The following NALF1 variants were observed in gnomAD, a reference collection of about 807,000 sequenced individuals.
NALF1 encodes NALCN channel auxiliary factor 1, also known as family with sequence similarity 155 member A.
In NALF1, 3 loss-of-function variants were observed where a neutral mutation model predicts 48.4. The observed-to-expected ratio is 0.06, with a 90% CI of 0.03 to 0.16. NALF1 has a LOEUF of 0.16. Among genes scored for constraint, NALF1 ranks in the 10% least tolerant of loss-of-function variants. The pLI is 1.00. For synonymous variants in NALF1, 262 were observed against 245.7 expected (o/e 1.07, Z -0.62); for missense variants, 526 against 571.5 (o/e 0.92, Z 0.81).
Position 107,732,616 on chromosome 13 carries a change from C to T in NALF1, c.915+133066G>A, listed in dbSNP as rs116273266. 9.8e-3 allele frequency among the ~76,000 whole-genome samples: 1,487 copies of T among 152,190 alleles called. 29 individuals are homozygous for T. Among genetic ancestry groups the T allele is most frequent in the African/African-American group, 0.034 (1,422 of 41,520 alleles). ...GAATAACCACATCGTTATTCACCCA[C>T]ATATCTAGGGCATATGTGTCATGAA... is the stretch of plus-strand genomic sequence containing the variant. On this transcript the variant is annotated intron_variant, in intron 1 of 2. Coordinates refer to ENST00000375915, the MANE Select transcript of NALF1 (RefSeq NM_001080396.3).
chr13:107,245,459 T>C (rs1166860725), intron 1 of NALF1, among the ~76,000 whole-genome samples: 1 of 152,214 alleles, frequency 6.6e-6, no homozygotes, highest in African/African-American at 2.4e-5. Flanking sequence ...CAGCCTCTTA[T>C]CTCACCAAGT....
At chr13:107,535,591 G>A (rs1172422799) in intron 1 of NALF1, among the ~76,000 whole-genome samples, 1 of 152,102 alleles carries the variant, frequency 6.6e-6, no homozygotes, top group Non-Finnish European at 1.5e-5. Flanking sequence ...ACAAACAAAT[G>A]GAAGAACATT....
At chr13:107,412,017 C>G (rs932687527) in intron 1 of NALF1, among the ~76,000 whole-genome samples, 8 of 152,140 alleles carry the variant, frequency 5.3e-5, no homozygotes, top group Non-Finnish European at 1.2e-4. Flanking sequence ...ATGAAACCCA[C>G]TGGCATGATC....
chr13:107,529,055 C>T lies in NALF1; in HGVS notation c.916-318300G>A, dbSNP rs1441330973. On this transcript the variant is annotated intron_variant, in intron 1 of 2. Transcript: ENST00000375915. ...TTTTCTACAGTGTTACTCAGTCTCA[C>T]CTCTGTTTTCCCACGGCACCCTGAC... Among the ~76,000 whole-genome samples, 4 of 152,082 alleles carry T rather than the reference C, an allele frequency of 2.6e-5. No homozygotes were observed. The South Asian group carries it at 6.2e-4, about 24-fold the overall frequency.
At chr13:107,542,894 C>T (rs983062529) in intron 1 of NALF1, among the ~76,000 whole-genome samples, 10 of 152,040 alleles carry the variant, frequency 6.6e-5, no homozygotes, top group Non-Finnish European at 1.3e-4. Flanking sequence ...GAAACCATGG[C>T]ATCAAAATAG....
At chr13:107,791,590 A>G (rs35290626) in intron 1 of NALF1, among the ~76,000 whole-genome samples, 3,676 of 152,264 alleles carry the variant, frequency 0.024, 118 homozygotes, top group African/African-American at 0.084. Context: ...TTCCTTTTGC[A>G]GTAAGTCATA....
chr13:107,505,193 G>T (rs574446875), intron 1 of NALF1, among the ~76,000 whole-genome samples: 1 of 152,188 alleles, frequency 6.6e-6, no homozygotes. Context: ...GTGGAAGGAT[G>T]TTCCTAGCAG....
chr13:107,430,381 C>T (rs1473712517), intron 1 of NALF1, among the ~76,000 whole-genome samples: 1 of 151,802 alleles, frequency 6.6e-6, no homozygotes. Context: ...TGTTGGTGTG[C>T]TACACCCATT....
chr13:107,509,919 C>A (rs2139086358), intron 1 of NALF1, among the ~76,000 whole-genome samples: 1 of 152,228 alleles, frequency 6.6e-6, no homozygotes, highest in Middle Eastern at 3.4e-3. Flanking sequence ...GATCCTCCCA[C>A]ATCAGCTCCC....
At chr13:107,310,936 C>T (rs1472515593) in intron 1 of NALF1, among the ~76,000 whole-genome samples, 1 of 152,136 alleles carries the variant, frequency 6.6e-6, no homozygotes, top group African/African-American at 2.4e-5. Flanking sequence ...GCTGGGATTA[C>T]AGGCGGGAGC....
chr13:107,611,604 G>A (rs1464549367), intron 1 of NALF1, among the ~76,000 whole-genome samples: 2 of 152,200 alleles, frequency 1.3e-5, no homozygotes, highest in South Asian at 2.1e-4. Context: ...AATGGGTTGA[G>A]TGCAGTGGCT....
At chr13:107,740,314 CAG>C (rs1378836763) in intron 1 of NALF1, among the ~76,000 whole-genome samples, 3 of 152,060 alleles carry the variant, frequency 2.0e-5, no homozygotes. Context: ...TTATTACAAA[CAG>C]AAACAAAACC....
chr13:107,503,115 C>T (rs988521365), intron 1 of NALF1, among the ~76,000 whole-genome samples: 8 of 152,162 alleles, frequency 5.3e-5, no homozygotes, highest in Admixed American at 2.0e-4. Flanking sequence ...CATCTCCAGG[C>T]TTAGATTCAT....
intron 1 of NALF1, among the ~76,000 whole-genome samples, chr13:107,276,201 C>T (rs541257787): frequency 6.6e-5 from 10 of 152,270 alleles, no homozygotes; most frequent in African/African-American, 1.7e-4. Context: ...GAGATCAATA[C>T]CACAAGGCAG....
rs563758128 is a variant in NALF1, at chr13:107,263,814, C to T, written c.916-53059G>A. The stretch of plus-strand genomic sequence containing the variant: ...GACTAAGACAATGGTCTGTACAACC[C>T]ATCCAATTATATCTCTTTCCTAGGA... On this transcript the variant is annotated intron_variant, in intron 1 of 2. Coordinates refer to ENST00000375915, the MANE Select transcript of NALF1 (RefSeq NM_001080396.3). Among the ~76,000 whole-genome samples, 240 of 152,242 alleles carry T rather than the reference C, an allele frequency of 1.6e-3. 1 individual carries two copies. The highest frequency in any genetic ancestry group is 5.5e-3 in the African/African-American group (228 of 41,544).
In NALF1 at chr13:107,386,989, C is replaced by T. The variant is rs145577916; in HGVS notation, c.916-176234G>A. Among the ~76,000 whole-genome samples, 88 of 152,208 alleles carry T rather than the reference C, an allele frequency of 5.8e-4. No homozygotes were observed. The East Asian group carries it at 9.3e-3, about 16-fold the overall frequency. ...TTCTGAGTCTGGAAAGATTGCAGTT[C>T]ATGTATTAGCTATGCACAAAAAAAT... On this transcript the variant is annotated intron_variant, in intron 1 of 2. Transcript: ENST00000375915.
intron 1 of NALF1, among the ~76,000 whole-genome samples, chr13:107,858,935 A>G (rs1266638352): frequency 6.6e-6 from 1 of 152,248 alleles, no homozygotes; most frequent in Non-Finnish European, 1.5e-5. Flanking sequence ...ATACTTAATA[A>G]TGATCGTCTA....
At chr13:107,575,065 G>A (rs1456668965) in intron 1 of NALF1, among the ~76,000 whole-genome samples, 1 of 152,008 alleles carries the variant, frequency 6.6e-6, no homozygotes, top group Non-Finnish European at 1.5e-5. Context: ...CACCGTACGA[G>A]GAGCAAGGGC....
chr13:107,263,821 T>C (rs1267393443), intron 1 of NALF1, among the ~76,000 whole-genome samples: 2 of 152,146 alleles, frequency 1.3e-5, no homozygotes, highest in African/African-American at 4.8e-5. Flanking sequence ...ACCCATCCAA[T>C]TATATCTCTT....
Sources: allele counts gnomAD v4.1 joint callset (sites outside exome capture counted in the v4.1 genomes callset), GRCh38; gene constraint gnomAD v4.1.1; transcripts MANE v1.5; gene names NCBI Gene and HGNC (gene_info 2026-07-23, HGNC 2026-07-21).